Variants in RFC1 observed in about 807,000 individuals in gnomAD.
RFC1 encodes replication factor C subunit 1.
Under a neutral mutation model 137.4 loss-of-function variants are expected in RFC1, and 37 were observed. The ratio of observed to expected loss-of-function variants is 0.27; its 90% CI spans 0.21 to 0.35. The LOEUF (loss-of-function observed/expected upper bound fraction) is 0.35. Among genes scored for constraint, RFC1 ranks in the 10% least tolerant of loss-of-function variants. RFC1 has a pLI of 1.00. For missense variants in RFC1, 1,205 were observed against 1,358.5 expected (o/e 0.89, Z 1.78); for synonymous variants, 429 against 455.7 (o/e 0.94, Z 0.75).
At chr4:39,335,879 ATATTG>A (rs572928747) in intron 4 of RFC1, among the ~76,000 whole-genome samples, 254 of 152,284 alleles carry the variant, frequency 1.7e-3, no homozygotes, top group African/African-American at 5.7e-3. Flanking sequence ...TTATTATTAT[ATATTG>A]TATTGTATTA....
At chr4:39,329,826 G>A (rs1740003908) in intron 4 of RFC1, among the ~76,000 whole-genome samples, 1 of 152,152 alleles carries the variant, frequency 6.6e-6, no homozygotes. Flanking sequence ...TTTGAGGTCA[G>A]GAGTTCAAGA....
At chr4:39,303,573 C>A (rs1196340861) in intron 15 of RFC1, among the ~76,000 whole-genome samples, 2 of 152,146 alleles carry the variant, frequency 1.3e-5, no homozygotes, top group African/African-American at 4.8e-5. Context: ...TTTGCCTCAG[C>A]CTCCCAAGTA....
At chr4:39,346,868 G>A (rs973736379) in intron 2 of RFC1, among the ~76,000 whole-genome samples, 8 of 152,164 alleles carry the variant, frequency 5.3e-5, no homozygotes, top group African/African-American at 1.9e-4. Context: ...GCTATCTCCT[G>A]AATTATACAT....
intron 14 of RFC1, among the ~76,000 whole-genome samples, chr4:39,305,474 GGC>G (rs1738590536): frequency 6.6e-6 from 1 of 152,056 alleles, no homozygotes; most frequent in Non-Finnish European, 1.5e-5. Context: ...TGGGCGTGGT[GGC>G]GTGTTCCTGT....
At chr4:39,363,806 C>T (rs555421030) in intron 1 of RFC1, among the ~76,000 whole-genome samples, 61 of 150,732 alleles carry the variant, frequency 4.0e-4, no homozygotes, top group African/African-American at 1.4e-3. Context: ...GCACAAGAAT[C>T]GCTTAAACCT....
intron 1 of RFC1, among the ~76,000 whole-genome samples, chr4:39,354,240 T>A (rs1409046834): frequency 6.6e-6 from 1 of 152,224 alleles, no homozygotes; most frequent in African/African-American, 2.4e-5. Context: ...CTACTCATAC[T>A]TTTTTAGAAC....
At chr4:39,356,692 T>C (rs1414525869) in intron 1 of RFC1, among the ~76,000 whole-genome samples, 2 of 152,200 alleles carry the variant, frequency 1.3e-5, no homozygotes, top group Admixed American at 6.5e-5. Flanking sequence ...TATTAAAACA[T>C]TGTGGCTACA....
intron 2 of RFC1, 135 bp downstream of exon 2, chr4:39,351,213 T>G (rs1741174278): frequency 8.3e-6 from 4 of 482,282 alleles, no homozygotes; most frequent in Non-Finnish European, 1.2e-5. Context: ...ATTGCACCAC[T>G]GCACTACAGC....
At chr4:39,353,441 C>T (rs956032674) in intron 1 of RFC1, among the ~76,000 whole-genome samples, 139 of 140,558 alleles carry the variant, frequency 9.9e-4, no homozygotes, top group African/African-American at 3.3e-3. Context: ...AGATTAAAGA[C>T]TTCTCTGGCT....
At position 39,308,922 on chromosome 4, in the gene RFC1, G is replaced by C. The variant is rs992267734; in HGVS notation, c.1599C>G (p.Ser533=). 1 of 1,614,012 alleles carries C rather than the reference G, an allele frequency of 6.2e-7. No individual in the cohort carries two copies. The highest frequency in any genetic ancestry group is 1.3e-5 in the African/African-American group (1 of 74,984). The change falls in exon 13 of 25, where the codon TCC becomes TCG. Residue 533 remains serine (S), a synonymous_variant. Transcript: ENST00000349703. The stretch of plus-strand genomic sequence containing the variant: ...TTGTCTTTGCCAAACTGTCCCTTTT[G>C]GAAGTCGGCCTGCTCTTTTTAGATT... The part of the protein sequence containing the change: ...ESESKKSRPT[S]KRDSLAKTIK...
At chr4:39,327,502 T>C (rs1208580879) in intron 5 of RFC1, 22 bp downstream of exon 5, 1 of 1,504,936 alleles carries the variant, frequency 6.6e-7, no homozygotes, top group East Asian at 2.3e-5. Context: ...TGAGCATACT[T>C]GCTTATATGT....
intron 5 of RFC1, 115 bp from the exon 6 acceptor site, chr4:39,326,755 G>A: frequency 2.7e-6 from 2 of 748,900 alleles, no homozygotes; most frequent in South Asian, 3.4e-5. Context: ...GTATCTATCA[G>A]TAACAGCTGC....
At chr4:39,349,779 T>C (rs951996215) in intron 2 of RFC1, among the ~76,000 whole-genome samples, 2 of 152,092 alleles carry the variant, frequency 1.3e-5, no homozygotes, top group African/African-American at 4.8e-5. Context: ...CCGAGGCAGG[T>C]AGATCACCTG....
At chr4:39,348,144 T>A (rs1383353389) in intron 2 of RFC1, among the ~76,000 whole-genome samples, 2 of 152,056 alleles carry the variant, frequency 1.3e-5, no homozygotes, top group African/African-American at 4.8e-5. Context: ...AAGCAAGTTC[T>A]AGGCCAGGTG....
intron 4 of RFC1, among the ~76,000 whole-genome samples, chr4:39,337,543 C>A (rs1321693375): frequency 6.7e-6 from 1 of 150,364 alleles, no homozygotes; most frequent in Non-Finnish European, 1.5e-5. Context: ...AATTTAGTTT[C>A]TTTTATACAG....
intron 14 of RFC1, among the ~76,000 whole-genome samples, chr4:39,306,361 TG>T (rs2109622877): frequency 6.6e-6 from 1 of 152,374 alleles, no homozygotes; most frequent in African/African-American, 2.4e-5. Context: ...CCTCGCTCGT[TG>T]GTAAGTATTG....
intron 9 of RFC1, among the ~76,000 whole-genome samples, chr4:39,317,451 T>C (rs1417362304): frequency 6.6e-6 from 1 of 152,188 alleles, no homozygotes; most frequent in Non-Finnish European, 1.5e-5. Context: ...TGACCTTCCA[T>C]GCCCCTAAAG....
At position 39,351,242 on chromosome 4, in the gene RFC1, C is replaced by T; in HGVS notation, c.132+106G>A. ...CTACAGCCTGGGCGACAGAGCAAGA[C>T]TCTGTCTCAGGAAAAAAAAAAAAAA... On this transcript the variant is annotated intron_variant, in intron 2 of 24. Coordinates refer to ENST00000349703, the MANE Select transcript of RFC1 (RefSeq NM_002913.5). 3 of 647,894 alleles carry T rather than the reference C, an allele frequency of 4.6e-6. No individual in the cohort carries two copies. The South Asian group carries it at 7.5e-5, about 16-fold the overall frequency. The allele number at this position is 647,894 out of a possible 1,614,324, so 40.1% of individuals were successfully genotyped here.
chr4:39,345,713 G>C (rs1740825545), intron 2 of RFC1, among the ~76,000 whole-genome samples: 1 of 151,966 alleles, frequency 6.6e-6, no homozygotes, highest in Admixed American at 6.6e-5. Flanking sequence ...GTAGAGACGG[G>C]GCTATCCTTT....
Sources: allele counts gnomAD v4.1 joint callset (sites outside exome capture counted in the v4.1 genomes callset), GRCh38; gene constraint gnomAD v4.1.1; transcripts MANE v1.5; gene names NCBI Gene and HGNC (gene_info 2026-07-23, HGNC 2026-07-21).